The following NAV2 variants were observed in gnomAD, a reference collection of about 807,000 sequenced individuals.
NAV2 encodes the protein helicase, APC down-regulated 1.
NAV2 carries 54 observed loss-of-function variants against 223.2 expected under a neutral mutation model. That is an observed-to-expected ratio of 0.24 (90% confidence interval 0.19 to 0.30). The LOEUF is 0.30. Ranked by LOEUF, NAV2 falls within the 10% of genes least tolerant of loss-of-function variation. The probability of loss-of-function intolerance (pLI) is 1.00; values close to 1 mark genes in which losing one functional copy is unlikely to be tolerated. For synonymous variants in NAV2, 1,279 were observed against 1,239.3 expected (o/e 1.03, Z -0.67); for missense variants, 2,806 against 3,147.5 (o/e 0.89, Z 2.60).
chr11:19,474,837 A>G (rs762667719), intron 1 of NAV2, among the ~76,000 whole-genome samples: 2 of 152,260 alleles, frequency 1.3e-5, no homozygotes, highest in African/African-American at 4.8e-5. Context: ...GACCTCAGGC[A>G]AATCACTCTG....
chr11:20,092,899 C>T (rs990998290), intron 28 of NAV2, among the ~76,000 whole-genome samples, 200 bp from the exon 29 acceptor site: 1 of 152,170 alleles, frequency 6.6e-6, no homozygotes, highest in African/African-American at 2.4e-5. Context: ...GCATTGTCAG[C>T]CTACTGGTTC....
chr11:19,959,830 C>G (rs992362912), intron 10 of NAV2, among the ~76,000 whole-genome samples: 1 of 152,138 alleles, frequency 6.6e-6, no homozygotes, highest in East Asian at 1.9e-4. Context: ...GAGAGAAGCC[C>G]GCTGTGACTA....
chr11:20,097,301 C>G (rs1010142461), intron 30 of NAV2, among the ~76,000 whole-genome samples: 1 of 152,142 alleles, frequency 6.6e-6, no homozygotes, highest in Non-Finnish European at 1.5e-5. Context: ...CTTTTCCGTG[C>G]TTGGTTCATC....
chr11:19,353,078 A>T (rs932960342), intron 1 of NAV2, among the ~76,000 whole-genome samples: 4 of 151,860 alleles, frequency 2.6e-5, no homozygotes, highest in Non-Finnish European at 5.9e-5. Context: ...TTCAGGGGGG[A>T]TTGGCTGAAA....
chr11:19,623,302 A>G (rs559334112), intron 1 of NAV2, among the ~76,000 whole-genome samples: 417 of 152,216 alleles, frequency 2.7e-3, no homozygotes, highest in Middle Eastern at 6.8e-3. Flanking sequence ...CTGAATTTGA[A>G]TGTTGGCCTG....
chr11:19,905,592 G>T (rs1251324435), intron 6 of NAV2, among the ~76,000 whole-genome samples: 1 of 152,190 alleles, frequency 6.6e-6, no homozygotes, highest in African/African-American at 2.4e-5. Context: ...GTTCGTGCAT[G>T]AATGAGGCTC....
intron 11 of NAV2, among the ~76,000 whole-genome samples, chr11:20,033,336 T>A (rs559934822): frequency 6.6e-6 from 1 of 152,232 alleles, no homozygotes; most frequent in African/African-American, 2.4e-5. Context: ...ATTTGGACGA[T>A]AGGACGGCCC....
At chr11:19,524,435 C>T (rs2134359590) in intron 1 of NAV2, among the ~76,000 whole-genome samples, 1 of 152,330 alleles carries the variant, frequency 6.6e-6, no homozygotes, top group Non-Finnish European at 1.5e-5. Flanking sequence ...AAACCTTGTT[C>T]ATTAGCACAG....
At chr11:19,861,193 A>G (rs11025297) in intron 3 of NAV2, among the ~76,000 whole-genome samples, 13,330 of 152,272 alleles carry the variant, frequency 0.088, 636 homozygotes, top group Admixed American at 0.12. Context: ...TAATGTGGGA[A>G]GCCAATGTCA....
At chr11:19,916,671 G>A (rs2043835016) in intron 6 of NAV2, among the ~76,000 whole-genome samples, 1 of 152,230 alleles carries the variant, frequency 6.6e-6, no homozygotes, top group African/African-American at 2.4e-5. Flanking sequence ...ATATTCTGGA[G>A]CAAGGGATAG....
rs145613148 is a variant in NAV2 at position 19,631,717 on chromosome 11, AC to A, written c.76-200764del. Among the ~76,000 whole-genome samples, 278 of 152,256 alleles carry A rather than the reference AC, an allele frequency of 1.8e-3. 1 individual carries two copies. The highest frequency in any genetic ancestry group is 6.5e-3 in the African/African-American group (271 of 41,534). ...GCACTGAGTGTGGCACCTAGAAGGC[AC>A]CCTCTGAGTGGTGGCTGTGGTGCCC... On this transcript the variant is annotated intron_variant, in intron 1 of 37. Transcript: ENST00000360655.
intron 1 of NAV2, among the ~76,000 whole-genome samples, chr11:19,444,178 T>G (rs1261824419): frequency 6.6e-6 from 1 of 152,202 alleles, no homozygotes; most frequent in African/African-American, 2.4e-5. Context: ...CTTGACCTTG[T>G]GATCCGCCTG....
At chr11:19,845,361 G>A (rs1453961563) in intron 3 of NAV2, among the ~76,000 whole-genome samples, 3 of 152,198 alleles carry the variant, frequency 2.0e-5, no homozygotes, top group African/African-American at 4.8e-5. Context: ...GAGAAGATAT[G>A]TAGAAAGCAT....
At chr11:19,811,143 T>C (rs2058816605) in intron 1 of NAV2, among the ~76,000 whole-genome samples, 1 of 152,252 alleles carries the variant, frequency 6.6e-6, no homozygotes, top group Admixed American at 6.5e-5. Flanking sequence ...AGTTGCTTTC[T>C]AAATATTATC....
chr11:19,652,285 C>T (rs898426831), intron 1 of NAV2, among the ~76,000 whole-genome samples: 5 of 152,092 alleles, frequency 3.3e-5, no homozygotes, highest in Non-Finnish European at 5.9e-5. Flanking sequence ...AGGGCTGCTC[C>T]GGTCTGAAGC....
chr11:20,026,642 A>G (rs1265785991), intron 11 of NAV2, among the ~76,000 whole-genome samples: 1 of 152,162 alleles, frequency 6.6e-6, no homozygotes, highest in Non-Finnish European at 1.5e-5. Flanking sequence ...AAGTAACTGT[A>G]TCTTCTTTGG....
chr11:19,372,130 T>C (rs1307469122), intron 1 of NAV2, among the ~76,000 whole-genome samples: 1 of 152,190 alleles, frequency 6.6e-6, no homozygotes, highest in Non-Finnish European at 1.5e-5. Context: ...GGTAAGGAAT[T>C]GGAAAACCTG....
At chr11:19,529,547 G>A (rs539736960) in intron 1 of NAV2, among the ~76,000 whole-genome samples, 28 of 151,954 alleles carry the variant, frequency 1.8e-4, no homozygotes, top group South Asian at 2.1e-4. Context: ...GCCCTTACCC[G>A]AATGGAAGTT....
intron 1 of NAV2, among the ~76,000 whole-genome samples, chr11:19,424,713 A>AT (rs146739678): frequency 0.054 from 8,189 of 150,398 alleles, 603 homozygotes; most frequent in African/African-American, 0.17. Context: ...ACGTCTGGCT[A>AT]TTTTTTTTTG....
Sources: gnomAD v4.1 joint callset for allele counts (sites outside exome capture counted in the v4.1 genomes callset) on GRCh38, gnomAD v4.1.1 for gene constraint, MANE v1.5 for transcripts, NCBI Gene and HGNC (gene_info 2026-07-23, HGNC 2026-07-21) for gene names.